The following SUSD1 variants were observed in gnomAD, a reference collection of about 807,000 sequenced individuals.
SUSD1 encodes sushi domain-containing protein 1.
A neutral mutation model predicts 86.9 loss-of-function variants in SUSD1; 65 were observed. The observed-to-expected ratio is 0.75, with a 90% CI of 0.61 to 0.92. The LOEUF (loss-of-function observed/expected upper bound fraction) is 0.92, where lower values mean the gene tolerates loss of function less well. SUSD1 is among the 40% of genes least tolerant of loss of function. SUSD1 has a pLI of 0.00. For missense variants in SUSD1, 850 were observed against 929.7 expected (o/e 0.91, Z 1.11); for synonymous variants, 346 against 350.0 (o/e 0.99, Z 0.13).
At chr9:112,101,502 G>GA (rs989492646) in intron 9 of SUSD1, among the ~76,000 whole-genome samples, 8 of 152,120 alleles carry the variant, frequency 5.3e-5, no homozygotes, top group African/African-American at 1.7e-4. Context: ...TGATGTTTAA[G>GA]AAAAAATCAA....
Position 112,149,370 on chromosome 9 carries a change from G to C in SUSD1, c.247C>G (p.Leu83Val), listed in dbSNP as rs1210648785. 6.2e-7 allele frequency: 1 copy of C among 1,614,122 alleles called. No homozygotes were observed. The highest frequency in any genetic ancestry group is 1.3e-5 in the African/African-American group (1 of 75,026). ...DKNECQFGAT[L>V]VCGNHTSCHN... ...CAAGATGTGTGGTTCCCACAGACAA[G>C]AGTGGCTCCAAACTGGCACTCATTT... Residue 83 changes from leucine (L) to valine (V), a missense_variant, in exon 3 of 17, where the codon CTT becomes GTT. Coordinates refer to ENST00000374270, the MANE Select transcript of SUSD1 (RefSeq NM_022486.5).
chr9:112,108,789 AAAG>A (rs1265869727), intron 8 of SUSD1, among the ~76,000 whole-genome samples: 17 of 146,992 alleles, frequency 1.2e-4, no homozygotes, highest in Admixed American at 3.5e-4. Flanking sequence ...AAAAAAAAAA[AAAG>A]AAAAAAAAGA....
At chr9:112,166,317 A>C (rs1183232166) in intron 1 of SUSD1, among the ~76,000 whole-genome samples, 1 of 152,178 alleles carries the variant, frequency 6.6e-6, no homozygotes, top group Non-Finnish European at 1.5e-5. Context: ...TTTAATACAA[A>C]AAGTCCTGTG....
At chr9:112,112,657 G>GA (rs960423850) in intron 7 of SUSD1, 114 bp downstream of exon 7, 5,426 of 656,066 alleles carry the variant, frequency 8.3e-3, no homozygotes, top group Non-Finnish European at 9.4e-3. Context: ...AAGAAAAAAA[G>GA]AAAAAAAAAC....
At chr9:112,145,238 T>A (rs539253694) in intron 3 of SUSD1, among the ~76,000 whole-genome samples, 8 of 146,906 alleles carry the variant, frequency 5.4e-5, no homozygotes, top group African/African-American at 1.5e-4. Context: ...GTCTGTTTTT[T>A]AAAAAAAAAA....
chr9:112,156,491 C>G (rs1013289240), intron 2 of SUSD1, among the ~76,000 whole-genome samples: 1 of 151,892 alleles, frequency 6.6e-6, no homozygotes, highest in Non-Finnish European at 1.5e-5. Flanking sequence ...ACTGAAGCTT[C>G]GAACTCCTGG....
intron 1 of SUSD1, among the ~76,000 whole-genome samples, chr9:112,170,876 A>G (rs1834019307): frequency 1.3e-5 from 2 of 151,464 alleles, no homozygotes; most frequent in South Asian, 4.2e-4. Context: ...GGCCCGGCCA[A>G]TTTTTTTTGT....
intron 5 of SUSD1, among the ~76,000 whole-genome samples, chr9:112,134,374 T>C (rs568610731): frequency 6.6e-6 from 1 of 152,310 alleles, no homozygotes; most frequent in African/African-American, 2.4e-5. Context: ...CATGGAATAC[T>C]ACACAACCAT....
intron 15 of SUSD1, among the ~76,000 whole-genome samples, chr9:112,046,283 C>G (rs139686941): frequency 1.3e-5 from 2 of 152,300 alleles, no homozygotes; most frequent in Admixed American, 6.5e-5. Context: ...CCTCACCATC[C>G]TTTGGTTACC....
chr9:112,140,613 A>G (rs928498919), intron 5 of SUSD1, among the ~76,000 whole-genome samples: 2 of 152,248 alleles, frequency 1.3e-5, no homozygotes, highest in Non-Finnish European at 2.9e-5. Flanking sequence ...AGCCAGTGTC[A>G]CCATAAAAGC....
At position 112,168,347 on chromosome 9, in the gene SUSD1, C is replaced by T. The variant is rs150493606; in HGVS notation, c.103+6786G>A. Among the ~76,000 whole-genome samples the T allele has an allele frequency of 1.4e-3, 213 of 152,260 alleles. 1 individual carries two copies. The highest frequency in any genetic ancestry group is 4.6e-3 in the African/African-American group (192 of 41,548). ...CATTGATGGGCTGATATCCCAGAAA[C>T]CATAATATTCAAATTTACATAATCA... On this transcript the variant is annotated intron_variant, in intron 1 of 16. Transcript: ENST00000374270.
chr9:112,080,207 G>GA lies in SUSD1; in HGVS notation c.1475-43dup, dbSNP rs550703909. 3.5e-4 allele frequency: 504 copies of GA among 1,420,024 alleles called. 4 individuals carry two copies. In the East Asian group the frequency reaches 0.011, roughly 31 times the overall value. The allele number at this position is 1,420,024 out of a possible 1,614,324, so 88.0% of individuals were successfully genotyped here. On this transcript the variant is annotated intron_variant, in intron 10 of 16. Transcript: ENST00000374270. ...ATGAGAAATCAATTTACACTCTATA[G>GA]AAAAAATGCTACCTTTTAATTGAGC...
intron 1 of SUSD1, among the ~76,000 whole-genome samples, chr9:112,161,199 G>A (rs528172611): frequency 1.3e-5 from 2 of 151,968 alleles, no homozygotes; most frequent in East Asian, 1.9e-4. Context: ...CCAACATGGC[G>A]TAACCCTGTC....
chr9:112,103,808 C>T (rs1385451765), intron 8 of SUSD1, among the ~76,000 whole-genome samples: 1 of 152,126 alleles, frequency 6.6e-6, no homozygotes, highest in Non-Finnish European at 1.5e-5. Context: ...TGCAACCTGG[C>T]TTCCAAGCAA....
chr9:112,117,270 C>G (rs977238056), intron 6 of SUSD1, among the ~76,000 whole-genome samples: 9 of 152,250 alleles, frequency 5.9e-5, no homozygotes, highest in African/African-American at 4.8e-5. Flanking sequence ...CTCCATCTCC[C>G]TCTCTCCTCT....
chr9:112,063,095 AGAGGTCCTCGT>A (rs1828808476), intron 12 of SUSD1, 62 bp from the exon 13 acceptor site: 4 of 1,076,704 alleles, frequency 3.7e-6, no homozygotes, highest in Middle Eastern at 4.0e-4. Flanking sequence ...GCAGGACAAA[AGAGGTCCTCGT>A]GAGGGCTATC....
rs773944752 is a variant in SUSD1, at chr9:112,149,282, T to C, written c.335A>G (p.Asn112Ser). The change falls in exon 3 of 17, where the codon AAC becomes AGC. Residue 112 changes from asparagine (N) to serine (S), a missense_variant. Transcript: ENST00000374270. The part of the protein sequence containing the change: ...CLEGYRATNN[N>S]KTFIPNDGTF... ...GCCATCGTTGGGAATGAATGTCTTG[T>C]TGTTGTTTGTGGCTCGATATCCTTC... 1.2e-5 allele frequency: 20 copies of C among 1,614,080 alleles called. No individual in the cohort carries two copies. The highest frequency in any genetic ancestry group is 1.6e-5 in the Non-Finnish European group (19 of 1,180,034).
intron 12 of SUSD1, among the ~76,000 whole-genome samples, chr9:112,074,329 T>C (rs1024408925): frequency 2.6e-5 from 4 of 152,224 alleles, no homozygotes; most frequent in Non-Finnish European, 5.9e-5. Flanking sequence ...CTAAAGGGGA[T>C]GCGTGCCGTG....
chr9:112,082,671 G>A lies in SUSD1; in HGVS notation c.1475-2506C>T, dbSNP rs76282369. ...TTAGTGAAACTGATTTCACACTTCCGACCTCCAGAACTATAAGACACTAAA... is the reference window on the plus strand; with the variant it reads ...TTAGTGAAACTGATTTCACACTTCCAACCTCCAGAACTATAAGACACTAAA... On this transcript the variant is annotated intron_variant, in intron 10 of 16. Coordinates refer to ENST00000374270, the MANE Select transcript of SUSD1 (RefSeq NM_022486.5). Among the ~76,000 whole-genome samples the A allele has an allele frequency of 1.4e-3, 215 of 151,900 alleles. 7 individuals carry two copies. The East Asian group carries it at 0.037, about 26-fold the overall frequency.
Sources: allele counts gnomAD v4.1 joint callset (sites outside exome capture counted in the v4.1 genomes callset), GRCh38; gene constraint gnomAD v4.1.1; transcripts MANE v1.5; gene names NCBI Gene and HGNC (gene_info 2026-07-23, HGNC 2026-07-21).